The following SLC2A5 variants were observed in gnomAD, a reference collection of about 807,000 sequenced individuals.
SLC2A5 encodes the protein solute carrier family 2, facilitated glucose transporter member 5.
SLC2A5 carries 56 observed loss-of-function variants against 50.3 expected under a neutral mutation model. That is an observed-to-expected ratio of 1.11 (90% confidence interval 0.90 to 1.39). The LOEUF (loss-of-function observed/expected upper bound fraction) is 1.39, where lower values mean the gene tolerates loss of function less well. Among genes scored for constraint, SLC2A5 ranks in the 40% most tolerant of loss-of-function variants. The pLI, the probability that SLC2A5 is intolerant of heterozygous loss-of-function variation, is 0.00. For synonymous variants in SLC2A5, 269 were observed against 281.9 expected, an observed-to-expected ratio of 0.95 and a Z score of 0.46; for missense variants, 566 against 650.1, an observed-to-expected ratio of 0.87 and a Z score of 1.41.
chr1:9,087,411 A>G (rs1029730792), intron 1 of SLC2A5, among the ~76,000 whole-genome samples: 6 of 151,878 alleles, frequency 4.0e-5, no homozygotes, highest in Admixed American at 6.6e-5. Flanking sequence ...TCACCGTGTT[A>G]GCCAGGATGG....
intron 1 of SLC2A5, among the ~76,000 whole-genome samples, chr1:9,066,372 A>G (rs1642083216): frequency 6.6e-6 from 1 of 151,976 alleles, no homozygotes; most frequent in Non-Finnish European, 1.5e-5. Context: ...AGCAGCTGGG[A>G]CTATAGGCAC....
At chr1:9,065,489 G>A (rs533983874) in intron 1 of SLC2A5, among the ~76,000 whole-genome samples, 4 of 152,190 alleles carry the variant, frequency 2.6e-5, no homozygotes, top group African/African-American at 7.2e-5. Context: ...CGCTCATGGA[G>A]GATCAGTACT....
chr1:9,094,001 G>A, the SLC2A5 span, among the ~76,000 whole-genome samples: 1 of 152,096 alleles, frequency 6.6e-6, no homozygotes, highest in East Asian at 1.9e-4. Context: ...TAAGCCCCAA[G>A]GCCCTCCCAT....
chr1:9,089,864 T>C (rs1642444373), upstream of SLC2A5, among the ~76,000 whole-genome samples: 1 of 152,126 alleles, frequency 6.6e-6, no homozygotes, highest in South Asian at 2.1e-4. Flanking sequence ...CATGGAGGAA[T>C]GAGGGTCCCT....
At chr1:9,042,942 C>G (rs1569846765) in intron 4 of SLC2A5, among the ~76,000 whole-genome samples, 1 of 152,144 alleles carries the variant, frequency 6.6e-6, no homozygotes, top group South Asian at 2.1e-4. Context: ...TGTAAATATT[C>G]CCATCATACT....
At chr1:9,064,332 A>G (rs1642027776) in intron 1 of SLC2A5, among the ~76,000 whole-genome samples, 1 of 152,036 alleles carries the variant, frequency 6.6e-6, no homozygotes, top group African/African-American at 2.4e-5. Context: ...GCTGAAGAGG[A>G]TGTGCGGGTC....
chr1:9,042,510 T>C (rs11121307), intron 4 of SLC2A5, among the ~76,000 whole-genome samples: 77,736 of 149,306 alleles, frequency 0.52, 21,337 homozygotes, highest in East Asian at 0.73. Flanking sequence ...TGTGTGTGTA[T>C]GTGTATATGG....
rs1261579176 is a variant in SLC2A5, at chr1:9,037,380, C to T, written c.*206G>A. On this transcript the variant is annotated 3_prime_UTR_variant, in exon 12 of 12. Coordinates refer to ENST00000377424, the MANE Select transcript of SLC2A5 (RefSeq NM_003039.3). ...AATTGACTCGGGTCTGGTGACAGGC[C>T]AACATGGAGAGAGACAGCCCAGCTT... The T allele has an allele frequency of 8.9e-6, 5 of 561,372 alleles. No individual in the cohort carries two copies. The highest frequency in any genetic ancestry group is 1.6e-5 in the Non-Finnish European group (5 of 314,216). 34.8% of individuals were successfully genotyped at this position (561,372 alleles called of 1,614,324 possible). A position where few individuals can be genotyped will look rare whatever the true frequency, so the allele number is the denominator to read the frequency against.
intron 3 of SLC2A5, chr1:9,048,971 C>A: frequency 2.9e-6 from 1 of 346,530 alleles, no homozygotes; most frequent in Non-Finnish European, 5.7e-6. Context: ...TTTTTAAAAC[C>A]AGCCTTAACA....
Position 9,057,611 on chromosome 1 carries a change from A to G in SLC2A5, c.133-3T>C. ...TCATTGTAAAATTGTTGCATGAGCT[A>G]GGAGACAAAGCAAAACAGAACACCA... On this transcript the variant is annotated splice_polypyrimidine_tract_variant and splice_region_variant and intron_variant, in intron 2 of 11. Transcript: ENST00000377424. 1.2e-6 allele frequency: 2 copies of G among 1,611,680 alleles called. No homozygotes were observed. The highest frequency in any genetic ancestry group is 1.1e-5 in the South Asian group (1 of 90,814).
At chr1:9,045,278 C>T (rs193103919) in intron 4 of SLC2A5, among the ~76,000 whole-genome samples, 75 of 152,258 alleles carry the variant, frequency 4.9e-4, no homozygotes, top group Non-Finnish European at 7.5e-4. Context: ...ATATGTCTCT[C>T]GGTTGCCATT....
At position 9,057,527 on chromosome 1, in the gene SLC2A5, A is replaced by G. The variant is rs1641791992; in HGVS notation, c.214T>C (p.Ser72Pro). Residue 72 changes from serine (S) to proline (P), a missense_variant, in exon 3 of 12, where the codon TCT (serine) becomes CCT (proline). Physicochemically the swap from Ser to Pro is moderately conservative, Grantham distance 74. Transcript: ENST00000377424. ...MEDFPLTLLW[S>P]VTVSMFPFGG... ...AATGGAAACATGGACACGGTTACAG[A>G]CCACAGCAACGTCAAGGGGAAGTCT... 1.2e-6 allele frequency: 2 copies of G among 1,613,890 alleles called. No homozygotes were observed. The highest frequency in any genetic ancestry group is 2.2e-5 in the South Asian group (2 of 91,080).
chr1:9,060,097 CACACACAAT>C (rs1436342782), intron 1 of SLC2A5, among the ~76,000 whole-genome samples: 5 of 140,664 alleles, frequency 3.6e-5, no homozygotes, highest in Non-Finnish European at 6.1e-5. Context: ...ACACACACAA[CACACACAAT>C]ACACACACAC....
chr1:9,060,435 A>T (rs1203038040), intron 1 of SLC2A5, among the ~76,000 whole-genome samples: 4 of 126,074 alleles, frequency 3.2e-5, no homozygotes, highest in African/African-American at 1.2e-4. Flanking sequence ...ACATGCCTCC[A>T]GTACACACAC....
chr1:9,087,769 A>T (rs751437400), intron 1 of SLC2A5, among the ~76,000 whole-genome samples: 54 of 152,142 alleles, frequency 3.5e-4, no homozygotes, highest in South Asian at 8.3e-4. Flanking sequence ...CAAAACCCTC[A>T]GGTCTCAGGA....
At chr1:9,079,026 G>C (rs1026406451) in intron 2 of SLC2A5, among the ~76,000 whole-genome samples, 1 of 152,172 alleles carries the variant, frequency 6.6e-6, no homozygotes, top group African/African-American at 2.4e-5. Context: ...CCCAACCCCA[G>C]TGCCCACGCG....
intron 3 of SLC2A5, among the ~76,000 whole-genome samples, chr1:9,049,921 G>C (rs1484671421): frequency 3.9e-5 from 6 of 152,054 alleles, no homozygotes. Flanking sequence ...AGGATCACTT[G>C]TGTACAGAAG....
upstream of SLC2A5, among the ~76,000 whole-genome samples, chr1:9,071,003 A>G (rs1056069425): frequency 1.3e-5 from 2 of 152,182 alleles, no homozygotes; most frequent in African/African-American, 4.8e-5. Flanking sequence ...AATTATTTCA[A>G]AGATCTAGAA....
At chr1:9,069,731 A>G, upstream of SLC2A5, 2 of 625,678 alleles carry the variant, frequency 3.2e-6, no homozygotes, top group Non-Finnish European at 5.6e-6. Context: ...TTTAAATGAA[A>G]CGTCTGGGGT....
Sources: gnomAD v4.1 joint callset for allele counts (sites outside exome capture counted in the v4.1 genomes callset) on GRCh38, gnomAD v4.1.1 for gene constraint, MANE v1.5 for transcripts, NCBI Gene and HGNC (gene_info 2026-07-23, HGNC 2026-07-21) for gene names.